NUP62: variants seen among roughly 807,000 people sequenced by gnomAD.
NUP62 encodes the protein nuclear pore glycoprotein p62.
For synonymous variants in NUP62, 305 were observed against 303.4 expected (o/e 1.01, Z -0.05); for missense variants, 647 against 689.4 (o/e 0.94, Z 0.69).
chr19:49,910,170 C>T (rs1414759070), intron 2 of NUP62, among the ~76,000 whole-genome samples: 2 of 152,246 alleles, frequency 1.3e-5, no homozygotes, highest in Middle Eastern at 3.4e-3. Flanking sequence ...CTTGGACCCA[C>T]CTCAGCCTGA....
In NUP62 at chr19:49,909,859, C is replaced by T. The variant is rs749819907; in HGVS notation, c.-52G>A. The T allele has an allele frequency of 1.5e-5, 23 of 1,580,850 alleles. No individual in the cohort carries two copies. The highest frequency in any genetic ancestry group is 6.7e-5 in the South Asian group (6 of 90,030). ...ACTCTGGCTCCCAAAGCAAATCCGT[C>T]GGTGTCTGCAGCCTTGGGAAGATTT... On this transcript the variant is annotated 5_prime_UTR_variant, in exon 3 of 3. Coordinates refer to ENST00000352066, the MANE Select transcript of NUP62 (RefSeq NM_016553.5).
chr19:49,922,478 C>T (rs2075788882), intron 2 of NUP62, among the ~76,000 whole-genome samples: 1 of 151,978 alleles, frequency 6.6e-6, no homozygotes, highest in Non-Finnish European at 1.5e-5. Flanking sequence ...AAGCCCTACT[C>T]CGTCTCACTG....
At chr19:49,915,896 C>T (rs1568712251) in intron 2 of NUP62, among the ~76,000 whole-genome samples, 1 of 152,200 alleles carries the variant, frequency 6.6e-6, no homozygotes, top group Non-Finnish European at 1.5e-5. Flanking sequence ...AGGTTGCCTC[C>T]GAACACAGAG....
In NUP62 at chr19:49,908,815, C is replaced by T. The variant is rs748062401; in HGVS notation, c.993G>A (p.Ala331=). The T allele has an allele frequency of 8.1e-6, 13 of 1,613,418 alleles. No individual in the cohort carries two copies. Among genetic ancestry groups the T allele is most frequent in the South Asian group, 4.4e-5 (4 of 91,096 alleles). The change falls in exon 3 of 3, where the codon GCG becomes GCA. Residue 331 remains alanine (A), a synonymous_variant. Coordinates refer to ENST00000352066, the MANE Select transcript of NUP62 (RefSeq NM_016553.5). The stretch of plus-strand genomic sequence containing the variant: ...ATTTGTTGATCAGGCTCTCCAGCTG[C>T]GCGTAGGTCATGGCGGAGCTGGCAG... ...GAAASSAMTY[A]QLESLINKWS...
rs769926725 is a variant in NUP62, at chr19:49,909,704, G to A, written c.104C>T (p.Ser35Phe). ...TTTPATGFSF[S>F]TSGTGGFNFG... ...ATTAAACCCTCCAGTGCCAGAGGTG[G>A]AGAAAGAAAACCCTGTAGCAGGTGT... The change falls in exon 3 of 3, where the codon TCC becomes TTC. Residue 35 changes from serine to phenylalanine, a missense_variant. By Grantham distance (155) the Ser-to-Phe change is radical (BLOSUM62 -2). Transcript: ENST00000352066. 1.2e-6 allele frequency: 2 copies of A among 1,614,186 alleles called. No individual in the cohort carries two copies. Among genetic ancestry groups the A allele is most frequent in the East Asian group, 2.2e-5 (1 of 44,882 alleles).
intron 2 of NUP62, among the ~76,000 whole-genome samples, chr19:49,918,217 C>A (rs988405966): frequency 6.6e-6 from 1 of 152,058 alleles, no homozygotes; most frequent in Non-Finnish European, 1.5e-5. Context: ...AGGCATACGC[C>A]GCCATGCCCA....
At position 49,907,383 on chromosome 19, in the gene NUP62, T is replaced by C. The variant is rs1242738105; in HGVS notation, c.*856A>G. 1 of 348,842 alleles carries C rather than the reference T, an allele frequency of 2.9e-6. No individual in the cohort carries two copies. The highest frequency in any genetic ancestry group is 2.3e-5 in the African/African-American group (1 of 44,036). 21.6% of individuals were successfully genotyped at this position (348,842 alleles called of 1,614,324 possible). On this transcript the variant is annotated 3_prime_UTR_variant, in exon 3 of 3. Transcript: ENST00000352066. ...ATCTGTGGTTCCTCAACACCCTGTG[T>C]GTGCAGGCCCCTCAGCTGACCTGTC...
intron 2 of NUP62, among the ~76,000 whole-genome samples, chr19:49,920,749 C>A (rs537238025): frequency 6.6e-6 from 1 of 152,178 alleles, no homozygotes; most frequent in Non-Finnish European, 1.5e-5. Context: ...CTCTGGTTGG[C>A]GGTGCAGGCA....
chr19:49,908,424 C>A lies in NUP62; in HGVS notation c.1384G>T (p.Gly462Trp). 1 of 1,614,128 alleles carries A rather than the reference C, an allele frequency of 6.2e-7. No individual in the cohort carries two copies. Among genetic ancestry groups the A allele is most frequent in the Non-Finnish European group, 8.5e-7 (1 of 1,180,040 alleles). ...GGGTCACTGGTGTCGGCGGGGGCCC[C>A]GGACGTGTTCAGGTGCTCGATGATG... ...KDIIEHLNTSGAPADTSDPLQ... is the reference protein window; with the variant it reads ...KDIIEHLNTSWAPADTSDPLQ... Residue 462 changes from glycine (G) to tryptophan (W), a missense_variant, in exon 3 of 3, where the codon GGG becomes TGG. Gly to Trp is a radical substitution (Grantham distance 184, BLOSUM62 -2). Coordinates refer to ENST00000352066, the MANE Select transcript of NUP62 (RefSeq NM_016553.5).
In NUP62 at chr19:49,921,813, T is replaced by C. The variant is rs553904140; in HGVS notation, c.-78+5881A>G. ...AGTGCTGGCTGGGCTCAAGCCCGGG[T>C]ACTTTCCTCCGTGCCCAAGCAACCC... is the stretch of plus-strand genomic sequence containing the variant. On this transcript the variant is annotated intron_variant, in intron 2 of 2. Transcript: ENST00000352066. The surrounding 1 kb of genome is among the most constrained non-coding windows in gnomAD (Gnocchi z 5.4). Among the ~76,000 whole-genome samples the C allele has an allele frequency of 6.6e-6, 1 of 152,276 alleles. No individual in the cohort carries two copies. The highest frequency in any genetic ancestry group is 2.1e-4 in the South Asian group (1 of 4,828).
chr19:49,925,197 G>T (rs999888891), intron 2 of NUP62, among the ~76,000 whole-genome samples: 2 of 152,078 alleles, frequency 1.3e-5, no homozygotes, highest in South Asian at 4.1e-4. Flanking sequence ...GGAGGCAGAG[G>T]TTGCGGTGAG....
chr19:49,919,701 T>C (rs2075717836), intron 2 of NUP62, among the ~76,000 whole-genome samples: 1 of 152,156 alleles, frequency 6.6e-6, no homozygotes, highest in South Asian at 2.1e-4. Context: ...AACAGCAATT[T>C]TCCCCACAGG....
chr19:49,919,552 T>A (rs1199177665), intron 2 of NUP62, among the ~76,000 whole-genome samples: 1 of 152,194 alleles, frequency 6.6e-6, no homozygotes, highest in Non-Finnish European at 1.5e-5. Context: ...AGGCAGTAGC[T>A]AAATGATTTG....
In NUP62 at chr19:49,921,247, T is replaced by A. The variant is rs1249033972; in HGVS notation, c.-78+6447A>T. 1.3e-5 allele frequency among the ~76,000 whole-genome samples: 2 copies of A among 152,176 alleles called. No individual in the cohort carries two copies. Among genetic ancestry groups the A allele is most frequent in the Non-Finnish European group, 2.9e-5 (2 of 68,026 alleles). On this transcript the variant is annotated intron_variant, in intron 2 of 2. Transcript: ENST00000352066. This position sits in a 1 kb window ranked among gnomAD's most constrained non-coding sequence, Gnocchi z 5.4. The stretch of plus-strand genomic sequence containing the variant: ...GAAAGGGGAGAGGACTTCAGTCACC[T>A]GCGTAAAGTCCCACAACCAGTAAGG...
chr19:49,929,150 A>T (rs747823750), intron 1 of NUP62, 176 bp downstream of exon 1: 1 of 152,014 alleles, frequency 6.6e-6, no homozygotes, highest in Non-Finnish European at 1.5e-5. Context: ...AGGATCCGGG[A>T]GGGCCGTGCT....
intron 2 of NUP62, among the ~76,000 whole-genome samples, chr19:49,915,435 C>T (rs1334220993): frequency 6.6e-6 from 1 of 152,172 alleles, no homozygotes; most frequent in Admixed American, 6.5e-5. Flanking sequence ...GCTTCGGCCT[C>T]TAGAGCTAAA....
chr19:49,913,364 C>G (rs914045597), intron 2 of NUP62, among the ~76,000 whole-genome samples: 14 of 152,142 alleles, frequency 9.2e-5, no homozygotes, highest in African/African-American at 3.1e-4. Context: ...CAGATAAGAG[C>G]GCCTTTGTTT....
intron 1 of NUP62, chr19:49,928,435 T>G (rs2075963524): frequency 6.6e-6 from 1 of 150,618 alleles, no homozygotes; most frequent in Admixed American, 6.7e-5. Flanking sequence ...GAGAATGGCG[T>G]GAACCTGGGA....
intron 2 of NUP62, among the ~76,000 whole-genome samples, chr19:49,923,108 A>G (rs2075803453): frequency 6.6e-6 from 1 of 151,974 alleles, no homozygotes. Context: ...GACTGCTTCT[A>G]CTGAAGGGAC....
Sources: allele counts gnomAD v4.1 joint callset (sites outside exome capture counted in the v4.1 genomes callset), GRCh38; gene constraint gnomAD v4.1.1; non-coding constraint Gnocchi (gnomAD v3.1); transcripts MANE v1.5; gene names NCBI Gene and HGNC (gene_info 2026-07-23, HGNC 2026-07-21).